NALF1: variants seen among roughly 807,000 people sequenced by gnomAD.
The protein encoded by NALF1 is NALCN channel auxiliary factor 1, also known as family with sequence similarity 155 member A.
NALF1 carries 3 observed loss-of-function variants against 48.4 expected under a neutral mutation model. The observed-to-expected ratio is 0.06, with a 90% CI of 0.03 to 0.16. NALF1 has a LOEUF of 0.16. NALF1 is among the 10% of genes least tolerant of loss of function. NALF1 has a pLI of 1.00. For missense variants in NALF1, 526 were observed against 571.5 expected, an observed-to-expected ratio of 0.92 and a Z score of 0.81; for synonymous variants, 262 against 245.7, an observed-to-expected ratio of 1.07 and a Z score of -0.62.
intron 1 of NALF1, among the ~76,000 whole-genome samples, chr13:107,497,781 T>G (rs974652397): frequency 1.3e-5 from 2 of 152,208 alleles, no homozygotes; most frequent in African/African-American, 4.8e-5. Context: ...TCGTGTAACT[T>G]CATATGCTTA....
At chr13:107,461,043 C>A (rs1884910308) in intron 1 of NALF1, among the ~76,000 whole-genome samples, 1 of 152,052 alleles carries the variant, frequency 6.6e-6, no homozygotes, top group Admixed American at 6.6e-5. Context: ...TCAGAGTATT[C>A]ATCCTTGATT....
intron 1 of NALF1, among the ~76,000 whole-genome samples, chr13:107,733,643 A>G (rs1419432721): frequency 1.3e-5 from 2 of 152,188 alleles, no homozygotes; most frequent in Non-Finnish European, 2.9e-5. Context: ...AGTAATTTTT[A>G]TTCATTTCTA....
At chr13:107,175,031 C>A (rs1354230787) in intron 2 of NALF1, among the ~76,000 whole-genome samples, 1 of 119,324 alleles carries the variant, frequency 8.4e-6, no homozygotes, top group Non-Finnish European at 1.8e-5. Context: ...CTACAGGCGC[C>A]CGCCACGACG....
intron 1 of NALF1, among the ~76,000 whole-genome samples, chr13:107,700,143 G>C (rs557117069): frequency 3.5e-4 from 53 of 150,386 alleles, no homozygotes; most frequent in African/African-American, 1.3e-3. Flanking sequence ...CACAGAAATA[G>C]AAAAAAAAGC....
chr13:107,828,602 T>TACACACACA (rs1566498071), intron 1 of NALF1, among the ~76,000 whole-genome samples: 91 of 43,330 alleles, frequency 2.1e-3, no homozygotes, highest in East Asian at 0.016. Context: ...TATATCTATA[T>TACACACACA]CTATACACAC....
At chr13:107,363,018 G>C (rs1594137688) in intron 1 of NALF1, among the ~76,000 whole-genome samples, 1 of 152,094 alleles carries the variant, frequency 6.6e-6, no homozygotes, top group African/African-American at 2.4e-5. Context: ...ATCTTAACCA[G>C]GAAACAACAG....
intron 1 of NALF1, among the ~76,000 whole-genome samples, chr13:107,326,941 G>C (rs974237561): frequency 1.3e-5 from 2 of 151,160 alleles, no homozygotes; most frequent in African/African-American, 2.4e-5. Context: ...TCTCCACTGG[G>C]CCTTGAGGGT....
chr13:107,289,554 C>G (rs1313763349), intron 1 of NALF1, among the ~76,000 whole-genome samples: 1 of 152,166 alleles, frequency 6.6e-6, no homozygotes, highest in Non-Finnish European at 1.5e-5. Context: ...TCTACACACA[C>G]ATACATACAG....
chr13:107,428,972 T>C (rs539282193), intron 1 of NALF1, among the ~76,000 whole-genome samples: 1 of 152,332 alleles, frequency 6.6e-6, no homozygotes, highest in South Asian at 2.1e-4. Context: ...TTTTGTGTCC[T>C]AATAATATAA....
chr13:107,721,982 C>T (rs1876000187), intron 1 of NALF1, among the ~76,000 whole-genome samples: 1 of 152,046 alleles, frequency 6.6e-6, no homozygotes, highest in Non-Finnish European at 1.5e-5. Context: ...CTGAGGGTTC[C>T]CCCCCTCTTG....
chr13:107,855,845 A>G (rs1470560208), intron 1 of NALF1, among the ~76,000 whole-genome samples: 1 of 152,218 alleles, frequency 6.6e-6, no homozygotes, highest in African/African-American at 2.4e-5. Context: ...AATGAATAAT[A>G]TATGGATGAT....
chr13:107,178,015 C>T (rs959423446), intron 2 of NALF1, among the ~76,000 whole-genome samples: 5 of 152,030 alleles, frequency 3.3e-5, no homozygotes, highest in African/African-American at 1.2e-4. Flanking sequence ...CCACTGCACT[C>T]CAGCCTGGGC....
intron 1 of NALF1, among the ~76,000 whole-genome samples, chr13:107,388,745 C>A (rs1017301260): frequency 3.3e-5 from 5 of 151,982 alleles, no homozygotes; most frequent in African/African-American, 1.2e-4. Context: ...TCACGGTATG[C>A]AGAATGTGGG....
intron 1 of NALF1, among the ~76,000 whole-genome samples, chr13:107,213,690 A>G (rs142151790): frequency 1.7e-4 from 26 of 152,360 alleles, no homozygotes; most frequent in Non-Finnish European, 1.6e-4. Context: ...CATACAGCAC[A>G]TTTGCTAAAA....
At chr13:107,662,248 G>T (rs181498624) in intron 1 of NALF1, among the ~76,000 whole-genome samples, 173 of 152,284 alleles carry the variant, frequency 1.1e-3, no homozygotes, top group African/African-American at 3.8e-3. Context: ...TGTGCTAGAG[G>T]TCCCGGGGTC....
intron 2 of NALF1, among the ~76,000 whole-genome samples, chr13:107,187,881 A>G (rs1175357820): frequency 6.6e-6 from 1 of 152,080 alleles, no homozygotes; most frequent in Non-Finnish European, 1.5e-5. Flanking sequence ...GTATCAATTC[A>G]GTTCTATTAG....
At chr13:107,786,730 C>T (rs1310431468) in intron 1 of NALF1, among the ~76,000 whole-genome samples, 1 of 151,834 alleles carries the variant, frequency 6.6e-6, no homozygotes, top group Non-Finnish European at 1.5e-5. Flanking sequence ...GAAACCCCAT[C>T]TCAGAAAAAA....
intron 1 of NALF1, among the ~76,000 whole-genome samples, chr13:107,235,505 T>C (rs1880323222): frequency 6.6e-6 from 1 of 152,174 alleles, no homozygotes; most frequent in Admixed American, 6.5e-5. Flanking sequence ...ATATAACCCA[T>C]GCACATCCTC....
At chr13:107,641,831 CA>C (rs1654013941) in intron 1 of NALF1, among the ~76,000 whole-genome samples, 2 of 152,142 alleles carry the variant, frequency 1.3e-5, no homozygotes, top group Admixed American at 6.5e-5. Flanking sequence ...AACCAGGTTT[CA>C]ACACCACATG....
Sources: allele counts gnomAD v4.1 joint callset (sites outside exome capture counted in the v4.1 genomes callset), GRCh38; gene constraint gnomAD v4.1.1; transcripts MANE v1.5; gene names NCBI Gene and HGNC (gene_info 2026-07-23, HGNC 2026-07-21).